The following PEX11G variants were observed in gnomAD, a reference collection of about 807,000 sequenced individuals.
PEX11G encodes the protein peroxisomal membrane protein 11C.
A neutral mutation model predicts 22.5 loss-of-function variants in PEX11G; 20 were observed. That is an observed-to-expected ratio of 0.89 (90% CI 0.62 to 1.29). The LOEUF (loss-of-function observed/expected upper bound fraction) is 1.29. PEX11G is among the 50% of genes most tolerant of loss of function. The pLI is 0.00. For missense variants in PEX11G, 347 were observed against 331.3 expected (o/e 1.05, Z -0.37); for synonymous variants, 141 against 154.5 (o/e 0.91, Z 0.65).
chr19:7,478,024 A>G (rs772045287), intron 4 of PEX11G, among the ~76,000 whole-genome samples: 3 of 152,260 alleles, frequency 2.0e-5, no homozygotes, highest in Non-Finnish European at 2.9e-5. Flanking sequence ...CCTGTCTCAA[A>G]AAACAAAAAG....
Position 7,489,032 on chromosome 19 carries a change from C to T in PEX11G, c.-22G>A, listed in dbSNP as rs765979851. The T allele has an allele frequency of 4.9e-5, 73 of 1,499,214 alleles. No homozygotes were observed. Among genetic ancestry groups the T allele is most frequent in the Non-Finnish European group, 5.9e-5 (67 of 1,130,444 alleles). 92.9% of individuals were successfully genotyped at this position (1,499,214 alleles called of 1,614,324 possible). A position where few individuals can be genotyped will look rare whatever the true frequency, so the allele number is the denominator to read the frequency against. ...CCATGGCAACTCCGTGACGTCACCGCGACGTCGGCGCGCCGCGCCAGGGGG... is the reference window on the plus strand; with the variant it reads ...CCATGGCAACTCCGTGACGTCACCGTGACGTCGGCGCGCCGCGCCAGGGGG... On this transcript the variant is annotated 5_prime_UTR_variant, in exon 1 of 5. Coordinates refer to ENST00000221480, the MANE Select transcript of PEX11G (RefSeq NM_080662.4).
At chr19:7,491,843 A>G (rs1044299914), upstream of PEX11G, among the ~76,000 whole-genome samples, 2 of 151,214 alleles carry the variant, frequency 1.3e-5, no homozygotes, top group African/African-American at 4.9e-5. Context: ...TCTTTTGTAG[A>G]GATGCGGTCT....
chr19:7,482,781 G>A (rs1336409086), intron 2 of PEX11G, among the ~76,000 whole-genome samples: 2 of 152,176 alleles, frequency 1.3e-5, no homozygotes, highest in Non-Finnish European at 2.9e-5. Context: ...GGCACAGTGC[G>A]GCAAGGCTCA....
Position 7,488,996 on chromosome 19 carries a change from G to A in PEX11G, c.15C>T (p.Ser5=). 1 of 1,542,860 alleles carries A rather than the reference G, an allele frequency of 6.5e-7. No individual in the cohort carries two copies. The highest frequency in any genetic ancestry group is 8.7e-7 in the Non-Finnish European group (1 of 1,147,692). The change falls in exon 1 of 5, where the codon AGC becomes AGT. Residue 5 remains serine (S), a synonymous_variant. Transcript: ENST00000221480. Reference sequence around the variant, plus strand: ...ACGACTCCAGCGCCGACGCCAGGCCGCTCAGCGACGCCATGGCAACTCCGT... The same window carrying A: ...ACGACTCCAGCGCCGACGCCAGGCCACTCAGCGACGCCATGGCAACTCCGT... MASL[S]GLASALESYR...
At chr19:7,488,073 G>A (rs1335675880) in intron 1 of PEX11G, among the ~76,000 whole-genome samples, 1 of 152,212 alleles carries the variant, frequency 6.6e-6, no homozygotes, top group Non-Finnish European at 1.5e-5. Flanking sequence ...GGAGAGTCTT[G>A]CAATATCCTA....
chr19:7,483,063 GCCCCCTTGGGACCCCAC>G lies in PEX11G; in HGVS notation c.250-869_250-853del, dbSNP rs979250783. ...AGCCCCGCAGCCAACCGGGGGACCC[GCCCCCTTGGGACCCCAC>G]CCCCCTTGGGACCCCGCCCACCGTG... is the stretch of plus-strand genomic sequence containing the variant. On this transcript the variant is annotated intron_variant, in intron 2 of 4. Coordinates refer to ENST00000221480, the MANE Select transcript of PEX11G (RefSeq NM_080662.4). 1.2e-4 allele frequency among the ~76,000 whole-genome samples: 18 copies of G among 146,086 alleles called. No individual in the cohort carries two copies. In the East Asian group the frequency reaches 1.7e-3, roughly 14 times the overall value.
upstream of PEX11G, chr19:7,489,144 T>G (rs901871940): frequency 4.9e-6 from 6 of 1,216,072 alleles, no homozygotes; most frequent in Non-Finnish European, 6.4e-6. Flanking sequence ...CGGCTTTTTG[T>G]CCGCTGTAGG....
At chr19:7,478,938 C>G (rs1367563662) in intron 3 of PEX11G, among the ~76,000 whole-genome samples, 2 of 152,194 alleles carry the variant, frequency 1.3e-5, no homozygotes, top group Non-Finnish European at 2.9e-5. Context: ...AGCCTCTGTG[C>G]TCCCAGCAGG....
At chr19:7,491,063 T>A (rs1049224274), upstream of PEX11G, 1 of 152,024 alleles carries the variant, frequency 6.6e-6, no homozygotes, top group Non-Finnish European at 1.5e-5. Context: ...ATTACAGGCG[T>A]GAACCACCGC....
chr19:7,488,187 C>A (rs967941832), intron 1 of PEX11G, among the ~76,000 whole-genome samples: 25 of 152,200 alleles, frequency 1.6e-4, no homozygotes, highest in Non-Finnish European at 1.0e-4. Flanking sequence ...TGTAAACGTC[C>A]AGCCAGGCTG....
At chr19:7,479,577 G>C (rs1015364052) in intron 3 of PEX11G, among the ~76,000 whole-genome samples, 2 of 152,242 alleles carry the variant, frequency 1.3e-5, no homozygotes, top group Admixed American at 6.5e-5. Flanking sequence ...CCTTAGGGCA[G>C]ATGTCTGGTC....
In PEX11G at chr19:7,484,214, G is replaced by A. The variant is rs112207731; in HGVS notation, c.249+1624C>T. ...TACAAAAGATACAAAAAATTAACCAGGTGTGGTGGTGCACCTGCAGTCCCA... is the reference window on the plus strand; with the variant it reads ...TACAAAAGATACAAAAAATTAACCAAGTGTGGTGGTGCACCTGCAGTCCCA... On this transcript the variant is annotated intron_variant, in intron 2 of 4. Transcript: ENST00000221480. Among the ~76,000 whole-genome samples the A allele has an allele frequency of 8.1e-3, 1,237 of 152,040 alleles. 12 individuals carry two copies. The highest frequency in any genetic ancestry group is 0.014 in the Non-Finnish European group (951 of 67,978).
chr19:7,477,416 C>T lies in PEX11G; in HGVS notation c.512G>A (p.Arg171Gln), dbSNP rs548821730. ...PFTSPLPRGKRRAMEAQMQSE... is the reference protein window; with the variant it reads ...PFTSPLPRGKQRAMEAQMQSE... Reference sequence around the variant, plus strand: ...CTGCATCTGCGCCTCCATGGCCCTCCGCTTGCCCCGGGGCAGCGGGCTGTG... The same window carrying T: ...CTGCATCTGCGCCTCCATGGCCCTCTGCTTGCCCCGGGGCAGCGGGCTGTG... Residue 171 changes from arginine (R) to glutamine (Q), a missense_variant, in exon 5 of 5, where the codon CGG becomes CAG. Coordinates refer to ENST00000221480, the MANE Select transcript of PEX11G (RefSeq NM_080662.4). The T allele has an allele frequency of 2.5e-5, 37 of 1,476,038 alleles. No individual in the cohort carries two copies. The highest frequency in any genetic ancestry group is 1.1e-4 in the South Asian group (8 of 71,794). 91.4% of individuals were successfully genotyped at this position (1,476,038 alleles called of 1,614,324 possible).
Position 7,477,306 on chromosome 19 carries a change from G to C in PEX11G, c.622C>G (p.Arg208Gly). Residue 208 changes from arginine to glycine, a missense_variant, in exon 5 of 5, where the codon CGC (arginine) becomes GGC (glycine). By Grantham distance (125) the Arg-to-Gly change is moderately radical. Coordinates refer to ENST00000221480, the MANE Select transcript of PEX11G (RefSeq NM_080662.4). ...WLPRGVLWAG[R>G]FPPWLVGLMG... ...AGGCCCACTAGCCACGGCGGGAAGC[G>C]GCCGGCCCACAGCACGCCCCGGGGC... The C allele has an allele frequency of 6.4e-7, 1 of 1,566,126 alleles. No individual in the cohort carries two copies. Among genetic ancestry groups the C allele is most frequent in the South Asian group, 1.2e-5 (1 of 85,380 alleles).
chr19:7,478,633 T>C (rs549836351), intron 3 of PEX11G, among the ~76,000 whole-genome samples: 4 of 152,244 alleles, frequency 2.6e-5, no homozygotes, highest in Non-Finnish European at 5.9e-5. Flanking sequence ...GCCCAGCCTC[T>C]GCAAACCACT....
intron 3 of PEX11G, among the ~76,000 whole-genome samples, chr19:7,480,979 GCTGA>G (rs761228858): frequency 4.5e-4 from 68 of 152,308 alleles, no homozygotes; most frequent in African/African-American, 1.0e-3. Flanking sequence ...TCAGGAAACT[GCTGA>G]CTGTTTTCTC....
In PEX11G at chr19:7,485,888, CAA is replaced by C. The variant is rs1233491718; in HGVS notation, c.197_198del (p.Phe66Ter). On this transcript the variant is annotated frameshift_variant, in exon 2 of 5. Transcript: ENST00000221480. LOFTEE classifies it high-confidence loss of function. The stretch of plus-strand genomic sequence containing the variant: ...GTGTAGACAAACATGGCCAGGTCAT[CAA>C]AGAGTCGCAAGATGGTCCTGCAGTG... ...LSHCRTILRL[F>X]DDLAMFVYTK... 1 of 1,613,454 alleles carries C rather than the reference CAA, an allele frequency of 6.2e-7. No individual in the cohort carries two copies.
upstream of PEX11G, among the ~76,000 whole-genome samples, chr19:7,490,138 G>A (rs556922666): frequency 6.6e-6 from 1 of 152,114 alleles, no homozygotes; most frequent in African/African-American, 2.4e-5. Context: ...GATTACAAGC[G>A]TGAGCCACCG....
chr19:7,482,950 AAG>A (rs1174594828), intron 2 of PEX11G, among the ~76,000 whole-genome samples: 1 of 152,042 alleles, frequency 6.6e-6, no homozygotes, highest in Non-Finnish European at 1.5e-5. Context: ...CCTCTGCCCC[AAG>A]TTCTTAATCA....
Sources: allele counts gnomAD v4.1 joint callset (sites outside exome capture counted in the v4.1 genomes callset), GRCh38; gene constraint gnomAD v4.1.1; transcripts MANE v1.5; gene names NCBI Gene and HGNC (gene_info 2026-07-23, HGNC 2026-07-21).